Variants in CDKAL1 observed in about 807,000 individuals in gnomAD.
CDKAL1 encodes threonylcarbamoyladenosine tRNA methylthiotransferase.
CDKAL1 carries 32 observed loss-of-function variants against 68.2 expected under a neutral mutation model. That is an observed-to-expected ratio of 0.47 (90% CI 0.35 to 0.63). CDKAL1 has a LOEUF of 0.63. CDKAL1 is among the 30% of genes least tolerant of loss of function. The pLI, the probability that CDKAL1 is intolerant of heterozygous loss-of-function variation, is 0.00. For synonymous variants in CDKAL1, 234 were observed against 244.3 expected (o/e 0.96, Z 0.39); for missense variants, 606 against 696.7 (o/e 0.87, Z 1.47).
chr6:21,061,094 A>G (rs999118923), intron 11 of CDKAL1, among the ~76,000 whole-genome samples: 2 of 152,294 alleles, frequency 1.3e-5, no homozygotes, highest in Non-Finnish European at 2.9e-5. Flanking sequence ...AGGTGAAATA[A>G]TTAACTTTTA....
At chr6:20,737,855 A>G (rs73379345) in intron 5 of CDKAL1, among the ~76,000 whole-genome samples, 7,928 of 152,266 alleles carry the variant, frequency 0.052, 284 homozygotes, top group African/African-American at 0.099. Flanking sequence ...GTGCCGTTAA[A>G]ATAGTATTTT....
At chr6:20,946,122 A>G (rs1450445242) in intron 9 of CDKAL1, among the ~76,000 whole-genome samples, 1 of 152,226 alleles carries the variant, frequency 6.6e-6, no homozygotes, top group African/African-American at 2.4e-5. Context: ...GTTTATCAAC[A>G]TGTCATCTTT....
At chr6:20,730,959 C>G (rs1452427081) in intron 5 of CDKAL1, among the ~76,000 whole-genome samples, 2 of 151,720 alleles carry the variant, frequency 1.3e-5, no homozygotes, top group Non-Finnish European at 2.9e-5. Context: ...AAAGTTGAGG[C>G]AGATGAAGGA....
chr6:20,741,593 G>A (rs1477329232), intron 6 of CDKAL1, among the ~76,000 whole-genome samples: 1 of 152,202 alleles, frequency 6.6e-6, no homozygotes, highest in South Asian at 2.1e-4. Flanking sequence ...GTGTTAGTTT[G>A]TTAAGGATAA....
chr6:21,182,194 C>T (rs1319537707), intron 13 of CDKAL1, among the ~76,000 whole-genome samples: 1 of 152,138 alleles, frequency 6.6e-6, no homozygotes, highest in African/African-American at 2.4e-5. Context: ...ACAAAAAATA[C>T]AGCTATTCTA....
intron 9 of CDKAL1, among the ~76,000 whole-genome samples, chr6:20,847,665 C>T (rs1778426357): frequency 6.6e-6 from 1 of 152,120 alleles, no homozygotes; most frequent in South Asian, 2.1e-4. Flanking sequence ...CTATTTTCAC[C>T]TGTAACTTAT....
intron 9 of CDKAL1, among the ~76,000 whole-genome samples, chr6:20,903,732 G>A (rs1210466606): frequency 6.6e-6 from 1 of 152,202 alleles, no homozygotes; most frequent in Non-Finnish European, 1.5e-5. Context: ...GCAGAGTTGG[G>A]CTTGCTTTGT....
At chr6:20,697,803 C>A (rs1377200727) in intron 5 of CDKAL1, among the ~76,000 whole-genome samples, 1 of 152,188 alleles carries the variant, frequency 6.6e-6, no homozygotes, top group African/African-American at 2.4e-5. Flanking sequence ...CTACAAGACT[C>A]AGGCCCCATT....
intron 13 of CDKAL1, among the ~76,000 whole-genome samples, chr6:21,141,030 C>T (rs1667057400): frequency 6.6e-6 from 1 of 152,120 alleles, no homozygotes. Context: ...CAGCACGGGA[C>T]CCATCACCTC....
intron 12 of CDKAL1, among the ~76,000 whole-genome samples, chr6:21,084,573 A>G (rs1772593123): frequency 6.6e-6 from 1 of 152,256 alleles, no homozygotes; most frequent in Admixed American, 6.5e-5. Context: ...TGTCAAAGGC[A>G]TACTCTTGGA....
At chr6:21,102,935 T>C (rs560392689) in intron 12 of CDKAL1, among the ~76,000 whole-genome samples, 36 of 152,358 alleles carry the variant, frequency 2.4e-4, no homozygotes, top group African/African-American at 8.7e-4. Context: ...AAATGCAGCA[T>C]GCTGAAATGC....
chr6:20,943,669 A>C (rs1347715461), intron 9 of CDKAL1, among the ~76,000 whole-genome samples: 1 of 149,890 alleles, frequency 6.7e-6, no homozygotes, highest in South Asian at 2.1e-4. Flanking sequence ...TTTTTTTATC[A>C]TGTTCATATT....
chr6:21,228,146 G>A (rs73389917), intron 15 of CDKAL1, among the ~76,000 whole-genome samples: 2,328 of 152,250 alleles, frequency 0.015, 52 homozygotes, highest in African/African-American at 0.052. Context: ...CGTGTAGCCA[G>A]TTTCGGGGTC....
intron 9 of CDKAL1, among the ~76,000 whole-genome samples, chr6:20,946,803 G>T (rs1764260458): frequency 6.6e-6 from 1 of 151,904 alleles, no homozygotes; most frequent in Admixed American, 6.6e-5. Context: ...CTCCATGTTG[G>T]TCAGGCTGGT....
intron 5 of CDKAL1, among the ~76,000 whole-genome samples, chr6:20,670,566 A>G (rs1421702424): frequency 2.6e-5 from 4 of 152,182 alleles, no homozygotes; most frequent in Non-Finnish European, 5.9e-5. Flanking sequence ...AGAAGTCAGC[A>G]GTGATTTTTC....
intron 4 of CDKAL1, among the ~76,000 whole-genome samples, chr6:20,609,845 A>G (rs1766539498): frequency 6.6e-6 from 1 of 152,048 alleles, no homozygotes; most frequent in African/African-American, 2.4e-5. Context: ...AACTTGTGTC[A>G]TGAGGGTTCG....
At chr6:20,849,300 G>A (rs979466652) in intron 9 of CDKAL1, among the ~76,000 whole-genome samples, 1 of 151,992 alleles carries the variant, frequency 6.6e-6, no homozygotes, top group African/African-American at 2.4e-5. Context: ...TTATGAAGAA[G>A]AGACCAGGTG....
rs762450486 is a variant in CDKAL1 at position 20,546,446 on chromosome 6, G to C, written c.96G>C (p.Lys32Asn). Residue 32 changes from lysine (K) to asparagine (N), a missense_variant, in exon 3 of 16, where the codon AAG (lysine) becomes AAC (asparagine). By Grantham distance (94) the Lys-to-Asn change is moderately conservative (BLOSUM62 0). Transcript: ENST00000274695. ...CACAAGATAGGCATTTTGTAAGAAA[G>C]GATGTTGTCCCGAAGGTACGAAGGC... is the stretch of plus-strand genomic sequence containing the variant. ...SKPQDRHFVRKDVVPKVRRRN... is the reference protein window; with the variant it reads ...SKPQDRHFVRNDVVPKVRRRN... 25 of 1,614,000 alleles carry C rather than the reference G, an allele frequency of 1.5e-5. 1 individual carries two copies. In the African/African-American group the frequency reaches 2.8e-4, roughly 18 times the overall value.
In CDKAL1 at chr6:20,600,339, A is replaced by C. The variant is rs2294808; in HGVS notation, c.287-48954A>C. ...AGTTTTTGGCTATTTACAAAGGTTG[A>C]TTACTTTTTAGAACAGTGATTGCCT... On this transcript the variant is annotated intron_variant, in intron 4 of 15. Coordinates refer to ENST00000274695, the MANE Select transcript of CDKAL1 (RefSeq NM_017774.3). Among the ~76,000 whole-genome samples, 17 of 152,222 alleles carry C rather than the reference A, an allele frequency of 1.1e-4. No individual in the cohort carries two copies. In the East Asian group the frequency reaches 3.3e-3, roughly 29 times the overall value.
Sources: gnomAD v4.1 joint callset for allele counts (sites outside exome capture counted in the v4.1 genomes callset) on GRCh38, gnomAD v4.1.1 for gene constraint, MANE v1.5 for transcripts, NCBI Gene and HGNC (gene_info 2026-07-23, HGNC 2026-07-21) for gene names.